NELL1: variants seen among roughly 807,000 people sequenced by gnomAD.
NELL1 encodes neural EGFL like 1.
A neutral mutation model predicts 107.4 loss-of-function variants in NELL1; 76 were observed. The ratio of observed to expected loss-of-function variants is 0.71; its 90% CI spans 0.59 to 0.86. The LOEUF is 0.86. Ranked by LOEUF, NELL1 falls within the 40% of genes least tolerant of loss-of-function variation. The pLI, the probability that NELL1 is intolerant of heterozygous loss-of-function variation, is 0.00. For synonymous variants in NELL1, 353 were observed against 341.2 expected (o/e 1.03, Z -0.38); for missense variants, 1,024 against 1,005.5 (o/e 1.02, Z -0.25).
chr11:21,230,480 G>A (rs1015986822), intron 14 of NELL1, among the ~76,000 whole-genome samples: 4 of 152,128 alleles, frequency 2.6e-5, no homozygotes, highest in Non-Finnish European at 5.9e-5. Flanking sequence ...AAGAGGAAAG[G>A]CACAATCATA....
At chr11:20,783,929 T>A (rs1856902786) in intron 3 of NELL1, 99 bp downstream of exon 3, 2 of 1,150,680 alleles carry the variant, frequency 1.7e-6, no homozygotes. Context: ...AAAACTTTCA[T>A]CTAACTGAGG....
intron 2 of NELL1, among the ~76,000 whole-genome samples, chr11:20,683,761 G>A (rs78625910): frequency 0.042 from 6,373 of 151,932 alleles, 432 homozygotes; most frequent in African/African-American, 0.14. Flanking sequence ...ATTCTGTGCC[G>A]ACAGGTTTTT....
chr11:20,703,104 T>C (rs576234958), intron 2 of NELL1, among the ~76,000 whole-genome samples: 1 of 152,330 alleles, frequency 6.6e-6, no homozygotes, highest in East Asian at 1.9e-4. Context: ...GTACCTCTGT[T>C]AGAATTCAGC....
intron 14 of NELL1, among the ~76,000 whole-genome samples, chr11:21,363,933 C>A (rs1349027398): frequency 6.6e-6 from 1 of 152,140 alleles, no homozygotes; most frequent in Non-Finnish European, 1.5e-5. Context: ...CCTCTCCCAT[C>A]TAATTTATCC....
chr11:20,725,622 G>A (rs1418222306), intron 2 of NELL1, among the ~76,000 whole-genome samples: 1 of 152,196 alleles, frequency 6.6e-6, no homozygotes, highest in Admixed American at 6.5e-5. Flanking sequence ...GAGGAAATAG[G>A]TGCTAATTTG....
At chr11:21,186,098 A>C (rs1459746759) in intron 13 of NELL1, among the ~76,000 whole-genome samples, 1 of 151,808 alleles carries the variant, frequency 6.6e-6, no homozygotes, top group Non-Finnish European at 1.5e-5. Context: ...CTGTCTCTCA[A>C]GAGTCAAAAT....
At chr11:21,494,827 AAAAC>A (rs1272716677) in intron 15 of NELL1, among the ~76,000 whole-genome samples, 2 of 152,086 alleles carry the variant, frequency 1.3e-5, no homozygotes. Flanking sequence ...TTCATTGAAA[AAAAC>A]AAGTCAAAAA....
At chr11:21,346,739 A>G (rs1271371389) in intron 14 of NELL1, among the ~76,000 whole-genome samples, 1 of 151,028 alleles carries the variant, frequency 6.6e-6, no homozygotes, top group Non-Finnish European at 1.5e-5. Flanking sequence ...TAACAGGAAA[A>G]AATCACAAAA....
At chr11:20,885,375 A>G in intron 4 of NELL1, 69 bp from the exon 5 acceptor site, 1 of 960,428 alleles carries the variant, frequency 1.0e-6, no homozygotes, top group East Asian at 2.4e-5. Context: ...GCATACTTCA[A>G]ACAGCATATG....
intron 4 of NELL1, among the ~76,000 whole-genome samples, chr11:20,857,316 G>C (rs1246929306): frequency 6.6e-6 from 1 of 152,146 alleles, no homozygotes; most frequent in Admixed American, 6.5e-5. Flanking sequence ...AGCCCCCCGA[G>C]TGTTCTTTCA....
At chr11:21,281,805 C>T (rs889065499) in intron 14 of NELL1, among the ~76,000 whole-genome samples, 2 of 152,134 alleles carry the variant, frequency 1.3e-5, no homozygotes, top group Admixed American at 6.5e-5. Context: ...TAAGGTGCTA[C>T]ATCTAGGAGA....
At chr11:20,836,951 T>C (rs975259678) in intron 3 of NELL1, among the ~76,000 whole-genome samples, 1 of 152,134 alleles carries the variant, frequency 6.6e-6, no homozygotes, top group Non-Finnish European at 1.5e-5. Context: ...AATGTGTACA[T>C]ATTTAAAAAA....
At chr11:21,045,680 C>G (rs1035849719) in intron 12 of NELL1, among the ~76,000 whole-genome samples, 1 of 152,096 alleles carries the variant, frequency 6.6e-6, no homozygotes, top group African/African-American at 2.4e-5. Context: ...CTTACCTTTG[C>G]TAAATTTTCT....
At chr11:21,038,563 G>T (rs1391533849) in intron 12 of NELL1, among the ~76,000 whole-genome samples, 1 of 152,112 alleles carries the variant, frequency 6.6e-6, no homozygotes, top group Admixed American at 6.6e-5. Flanking sequence ...TATTTGCTTG[G>T]CTAAGTTTTT....
intron 14 of NELL1, among the ~76,000 whole-genome samples, chr11:21,312,273 G>A (rs1467072478): frequency 3.3e-5 from 5 of 152,000 alleles, no homozygotes; most frequent in Non-Finnish European, 1.5e-5. Flanking sequence ...TAGTTTGACT[G>A]GTGAGTCCCT....
At chr11:20,679,455 CT>C (rs1159015114) in intron 2 of NELL1, among the ~76,000 whole-genome samples, 3 of 152,166 alleles carry the variant, frequency 2.0e-5, no homozygotes, top group Non-Finnish European at 4.4e-5. Context: ...GTGCAGATAA[CT>C]TAAGACTTGT....
At chr11:21,289,984 A>G (rs1263066044) in intron 14 of NELL1, among the ~76,000 whole-genome samples, 2 of 152,182 alleles carry the variant, frequency 1.3e-5, no homozygotes, top group Non-Finnish European at 2.9e-5. Flanking sequence ...GAAAGGAAGC[A>G]GCCCCAGTCA....
rs184600579 is a variant in NELL1 at position 20,782,061 on chromosome 11, G to T, written c.185-1619G>T. ...ATCTCAAAAAAAAAAAAATAATAAT[G>T]ATAATAAAAATAATATTAACAAACA... On this transcript the variant is annotated intron_variant, in intron 2 of 19. Transcript: ENST00000357134. Among the ~76,000 whole-genome samples the T allele has an allele frequency of 2.0e-5, 3 of 151,190 alleles. No individual in the cohort carries two copies. In the South Asian group the frequency reaches 6.3e-4, roughly 32 times the overall value.
At chr11:21,218,005 T>A (rs940680550) in intron 13 of NELL1, among the ~76,000 whole-genome samples, 1 of 152,188 alleles carries the variant, frequency 6.6e-6, no homozygotes, top group Non-Finnish European at 1.5e-5. Flanking sequence ...GTTTAATTAG[T>A]GCTTGAATAT....
Sources: allele counts gnomAD v4.1 joint callset (sites outside exome capture counted in the v4.1 genomes callset), GRCh38; gene constraint gnomAD v4.1.1; transcripts MANE v1.5; gene names NCBI Gene and HGNC (gene_info 2026-07-23, HGNC 2026-07-21).